The following ATE1 variants were observed in gnomAD, a reference collection of about 807,000 sequenced individuals.
The protein encoded by ATE1 is arginyl-tRNA--protein transferase 1.
ATE1 carries 36 observed loss-of-function variants against 70.5 expected under a neutral mutation model. The observed-to-expected ratio is 0.51, with a 90% CI of 0.39 to 0.67. The LOEUF (loss-of-function observed/expected upper bound fraction) is 0.67, where lower values mean the gene tolerates loss of function less well. Among genes scored for constraint, ATE1 ranks in the 30% least tolerant of loss-of-function variants. The pLI, the probability that ATE1 is intolerant of heterozygous loss-of-function variation, is 0.00. For synonymous variants in ATE1, 232 were observed against 219.3 expected (o/e 1.06, Z -0.51); for missense variants, 593 against 629.5 (o/e 0.94, Z 0.62).
In ATE1 at chr10:121,920,981, G is replaced by A. The variant is rs148270334; in HGVS notation, c.233+1368C>T. On this transcript the variant is annotated intron_variant, in intron 3 of 11. Transcript: ENST00000224652. ...TGCACTCCAGCCCAGGCGACAGTGC[G>A]AGACTCCGTCTCTTTAAAAAAAAAA... 4.4e-3 allele frequency among the ~76,000 whole-genome samples: 659 copies of A among 150,368 alleles called. 5 individuals carry two copies. The highest frequency in any genetic ancestry group is 0.015 in the African/African-American group (632 of 40,988).
rs66792557 is a variant in ATE1 at position 121,818,256 on chromosome 10, CAAAAAAAAAAAA to C, written c.1257+18450_1257+18461del. Among the ~76,000 whole-genome samples, 4 of 63,408 alleles carry C rather than the reference CAAAAAAAAAAAA, an allele frequency of 6.3e-5. No individual in the cohort carries two copies. The South Asian group carries it at 2.7e-3, about 44-fold the overall frequency. The allele number at this position is 63,408 out of a possible 152,430, so 41.6% of individuals were successfully genotyped here. On this transcript the variant is annotated intron_variant, in intron 10 of 11. Transcript: ENST00000224652. ...TGGGCAACAGAGCCAGACTCCATCTCAAAAAAAAAAAAAAAAAAAAAAAAAGATGGTTAATTG... is the reference window on the plus strand; with the variant it reads ...TGGGCAACAGAGCCAGACTCCATCTCAAAAAAAAAAAAAGATGGTTAATTG...
chr10:121,749,366 AAAATT>A (rs148580593), intron 11 of ATE1, among the ~76,000 whole-genome samples: 1,952 of 152,308 alleles, frequency 0.013, 48 homozygotes, highest in African/African-American at 0.045. Flanking sequence ...TTTCCCTTTA[AAAATT>A]AATACTAAGC....
chr10:121,868,619 C>T lies in ATE1; in HGVS notation c.975+1387G>A, dbSNP rs552900222. ...AGATCATCTCATTTAATTTTAATAT[C>T]CCTGTAAGTATTATTATCTCCATTT... On this transcript the variant is annotated intron_variant, in intron 8 of 11. Coordinates refer to ENST00000224652, the MANE Select transcript of ATE1 (RefSeq NM_001001976.3). 2.0e-5 allele frequency among the ~76,000 whole-genome samples: 3 copies of T among 152,252 alleles called. No individual in the cohort carries two copies. In the East Asian group the frequency reaches 5.8e-4, roughly 29 times the overall value.
intron 8 of ATE1, among the ~76,000 whole-genome samples, chr10:121,850,202 T>C (rs2133864887): frequency 6.6e-6 from 1 of 152,370 alleles, no homozygotes; most frequent in Admixed American, 6.5e-5. Context: ...TTTCGTTATA[T>C]GTCCTAACAC....
chr10:121,915,916 C>G (rs12254747), intron 3 of ATE1, among the ~76,000 whole-genome samples: 11,001 of 141,674 alleles, frequency 0.078, 726 homozygotes, highest in East Asian at 0.34. Context: ...CAAAACAAAA[C>G]AAAAAAAAAC....
intron 11 of ATE1, among the ~76,000 whole-genome samples, chr10:121,775,004 CAT>C (rs1251081405): frequency 2.0e-5 from 3 of 152,246 alleles, no homozygotes; most frequent in Non-Finnish European, 2.9e-5. Flanking sequence ...AAGGCAGACA[CAT>C]GTGGAGAAAC....
At chr10:121,809,928 G>A (rs1046504323) in intron 10 of ATE1, among the ~76,000 whole-genome samples, 7 of 152,082 alleles carry the variant, frequency 4.6e-5, no homozygotes, top group Non-Finnish European at 1.0e-4. Context: ...GCACCCAGAG[G>A]TTAGTGGTCA....
intron 10 of ATE1, among the ~76,000 whole-genome samples, chr10:121,795,606 C>T (rs1428621116): frequency 6.6e-6 from 1 of 152,194 alleles, no homozygotes; most frequent in Non-Finnish European, 1.5e-5. Flanking sequence ...TCTGAAATCA[C>T]GTTTTTAGAC....
chr10:121,791,070 G>GACA (rs1946428023), intron 10 of ATE1, among the ~76,000 whole-genome samples: 1 of 47,572 alleles, frequency 2.1e-5, no homozygotes, highest in Non-Finnish European at 4.7e-5. Context: ...GTGTGTGTGT[G>GACA]TGTGTGTGTG....
At chr10:121,902,754 G>C in intron 5 of ATE1, 134 bp from the exon 6 acceptor site, 1 of 869,168 alleles carries the variant, frequency 1.2e-6, no homozygotes, top group Non-Finnish European at 1.7e-6. Context: ...ATGTTTCAGA[G>C]GATCCTGATA....
intron 11 of ATE1, among the ~76,000 whole-genome samples, chr10:121,755,390 T>TAAA (rs1020370541): frequency 2.6e-5 from 4 of 152,132 alleles, no homozygotes; most frequent in African/African-American, 9.6e-5. Context: ...AAATACAGAG[T>TAAA]AAAACAGAAA....
chr10:121,782,013 G>A (rs10886984), intron 11 of ATE1, among the ~76,000 whole-genome samples: 47,560 of 152,036 alleles, frequency 0.31, 7,650 homozygotes, highest in Middle Eastern at 0.36. Flanking sequence ...TCAGGTTATA[G>A]CTTATTTTTC....
intron 11 of ATE1, among the ~76,000 whole-genome samples, chr10:121,785,441 T>C (rs1212131330): frequency 6.6e-6 from 1 of 152,070 alleles, no homozygotes; most frequent in South Asian, 2.1e-4. Flanking sequence ...AACAGGTGAA[T>C]GAACGCAGGA....
chr10:121,795,728 T>C (rs1295907722), intron 10 of ATE1, among the ~76,000 whole-genome samples: 1 of 152,242 alleles, frequency 6.6e-6, no homozygotes, highest in South Asian at 2.1e-4. Context: ...TGAAATGTTA[T>C]GCTTTCTAAA....
At chr10:121,884,307 G>A (rs11200215) in intron 7 of ATE1, among the ~76,000 whole-genome samples, 48,151 of 151,696 alleles carry the variant, frequency 0.32, 7,826 homozygotes, top group South Asian at 0.43. Context: ...GTTACTGACC[G>A]AAAGGAACTT....
chr10:121,801,708 T>C lies in ATE1; in HGVS notation c.1258-11419A>G, dbSNP rs73362469. 5.9e-3 allele frequency among the ~76,000 whole-genome samples: 892 copies of C among 152,272 alleles called. 14 individuals carry two copies. The highest frequency in any genetic ancestry group is 0.021 in the African/African-American group (860 of 41,548). On this transcript the variant is annotated intron_variant, in intron 10 of 11. Transcript: ENST00000224652. ...GTGTTTATTTGCTTTTTTAAGGCTCTTTCTTGGAAAACAGCACTTAGAATC... is the reference window on the plus strand; with the variant it reads ...GTGTTTATTTGCTTTTTTAAGGCTCCTTCTTGGAAAACAGCACTTAGAATC...
chr10:121,895,026 C>T lies in ATE1; in HGVS notation c.942+4840G>A, dbSNP rs550466424. ...AAATCAAAACCATAATGAGACACCACTTTACACATGCTACAAGTAATATAA... is the reference window on the plus strand; with the variant it reads ...AAATCAAAACCATAATGAGACACCATTTTACACATGCTACAAGTAATATAA... On this transcript the variant is annotated intron_variant, in intron 7 of 11. Coordinates refer to ENST00000224652, the MANE Select transcript of ATE1 (RefSeq NM_001001976.3). 8.5e-5 allele frequency among the ~76,000 whole-genome samples: 13 copies of T among 152,270 alleles called. 1 individual carries two copies. The highest frequency in any genetic ancestry group is 3.1e-4 in the African/African-American group (13 of 41,560).
At chr10:121,922,030 A>G (rs1951902169) in intron 3 of ATE1, among the ~76,000 whole-genome samples, 1 of 152,226 alleles carries the variant, frequency 6.6e-6, no homozygotes, top group African/African-American at 2.4e-5. Flanking sequence ...GTCCTATAAT[A>G]TTTAATATCC....
intron 9 of ATE1, 106 bp downstream of exon 9, chr10:121,840,976 C>A: frequency 9.6e-7 from 1 of 1,037,682 alleles, no homozygotes; most frequent in South Asian, 3.3e-5. Flanking sequence ...CATTATAATA[C>A]ACTGTCAATT....
Sources: gnomAD v4.1 joint callset for allele counts (sites outside exome capture counted in the v4.1 genomes callset) on GRCh38, gnomAD v4.1.1 for gene constraint, MANE v1.5 for transcripts, NCBI Gene and HGNC (gene_info 2026-07-23, HGNC 2026-07-21) for gene names.